Variants in POLA2 observed in about 807,000 individuals in gnomAD.
POLA2 encodes DNA polymerase alpha 2, accessory subunit, also known as DNA polymerase alpha subunit B.
A neutral mutation model predicts 82.8 loss-of-function variants in POLA2; 47 were observed. That is an observed-to-expected ratio of 0.57 (90% CI 0.45 to 0.72). The LOEUF is 0.72. Ranked by LOEUF, POLA2 falls within the 30% of genes least tolerant of loss-of-function variation. POLA2 has a pLI of 0.00. For synonymous variants in POLA2, 287 were observed against 286.8 expected (o/e 1.00, Z -0.01); for missense variants, 634 against 728.1 (o/e 0.87, Z 1.49).
Position 65,295,629 on chromosome 11 carries a change from G to A in POLA2, c.1520+30G>A, listed in dbSNP as rs769372305. Reference sequence around the variant, plus strand: ...GCTTGCCGCTGGGACCCCTGACTGTGGAGAGAGTGCCTTGGGGTCATGGAG... The same window carrying A: ...GCTTGCCGCTGGGACCCCTGACTGTAGAGAGAGTGCCTTGGGGTCATGGAG... On this transcript the variant is annotated intron_variant, in intron 16 of 17. Coordinates refer to ENST00000265465, the MANE Select transcript of POLA2 (RefSeq NM_002689.4). 3.2e-6 allele frequency: 5 copies of A among 1,585,044 alleles called. No individual in the cohort carries two copies. In the East Asian group the frequency reaches 8.9e-5, roughly 28 times the overall value.
At chr11:65,289,258 G>A (rs1387226438) in intron 12 of POLA2, among the ~76,000 whole-genome samples, 170 bp downstream of exon 12, 1 of 152,180 alleles carries the variant, frequency 6.6e-6, no homozygotes, top group African/African-American at 2.4e-5. Flanking sequence ...GAATCCAAGG[G>A]CCTCCTTTCA....
chr11:65,282,593 CA>C (rs1949652918), intron 10 of POLA2, 72 bp downstream of exon 10: 1 of 1,303,224 alleles, frequency 7.7e-7, no homozygotes, highest in South Asian at 1.2e-5. Context: ...TGCAGTTTCC[CA>C]AGCCCAAGAA....
At chr11:65,262,401 C>T (rs1424636486) in intron 1 of POLA2, 30 bp downstream of exon 1, 3 of 1,572,590 alleles carry the variant, frequency 1.9e-6, no homozygotes, top group Middle Eastern at 1.7e-4. Context: ...CGCCCTGCAG[C>T]CGTGCTCCAC....
chr11:65,281,636 C>G (rs1336591616), intron 8 of POLA2, 34 bp from the exon 9 acceptor site: 1 of 1,512,070 alleles, frequency 6.6e-7, no homozygotes, highest in Non-Finnish European at 9.2e-7. Context: ...TTGATCTCCA[C>G]TGCTTAGCAA....
rs372504014 is a variant in POLA2, at chr11:65,278,739, C to T, written c.471C>T (p.Pro157=). The T allele has an allele frequency of 5.3e-5, 86 of 1,613,042 alleles. No homozygotes were observed. Among genetic ancestry groups the T allele is most frequent in the Middle Eastern group, 5.2e-4 (3 of 5,744 alleles). The change falls in exon 6 of 18, where the codon CCC becomes CCT. Residue 157 remains proline (P), a synonymous_variant. Transcript: ENST00000265465. ...SPSSFSPSAT[P]SQKYNSRSNR... is the part of the protein sequence containing the mutation. ...TTTTGCTTCCAATTAGTGCTACTCC[C>T]TCCCAGAAATACAACTCACGAAGTA...
At chr11:65,305,640 C>T, downstream of POLA2, 1 of 328,218 alleles carries the variant, frequency 3.0e-6, no homozygotes, top group Non-Finnish European at 6.0e-6. Context: ...CACCATTGTA[C>T]ATTGTACTCC....
chr11:65,280,845 C>T lies in POLA2; in HGVS notation c.745-147C>T, dbSNP rs546612129. 456 of 695,438 alleles carry T rather than the reference C, an allele frequency of 6.6e-4. 2 individuals carry two copies. Among genetic ancestry groups the T allele is most frequent in the Non-Finnish European group, 7.8e-4 (322 of 414,112 alleles). 43.1% of individuals were successfully genotyped at this position (695,438 alleles called of 1,614,324 possible). ...TCCATCCTGAGAGTCAGTGATGACG[C>T]GGTAGTCACCTCAGGGTCAAAGCAA... On this transcript the variant is annotated intron_variant, in intron 7 of 17. Coordinates refer to ENST00000265465, the MANE Select transcript of POLA2 (RefSeq NM_002689.4).
At position 65,275,931 on chromosome 11, in the gene POLA2, C is replaced by G. The variant is rs1242492578; in HGVS notation, c.394C>G (p.Leu132Val). 2 of 1,608,608 alleles carry G rather than the reference C, an allele frequency of 1.2e-6. No homozygotes were observed. Among genetic ancestry groups the G allele is most frequent in the Non-Finnish European group, 1.7e-6 (2 of 1,177,684 alleles). The change falls in exon 5 of 18, where the codon CTA becomes GTA. Residue 132 changes from leucine (L) to valine (V), a missense_variant. Transcript: ENST00000265465. ...AGCTATCTCTACCCCAGAAACCCCC[C>G]TAACAAAAAGGAGTGTGTCAACTCG... ...KRAISTPETP[L>V]TKRSVSTRSP...
intron 1 of POLA2, among the ~76,000 whole-genome samples, chr11:65,265,221 C>CG (rs1288700099): frequency 6.8e-6 from 1 of 147,416 alleles, no homozygotes; most frequent in Non-Finnish European, 1.5e-5. Flanking sequence ...GAGTGCAACT[C>CG]TGTCTCCAAA....
chr11:65,269,878 A>C (rs926170765), intron 4 of POLA2, among the ~76,000 whole-genome samples: 1 of 152,194 alleles, frequency 6.6e-6, no homozygotes, highest in Non-Finnish European at 1.5e-5. Flanking sequence ...CTTGTTGCCC[A>C]GGCTGGAGTG....
At chr11:65,299,941 C>A (rs1284941450), downstream of POLA2, among the ~76,000 whole-genome samples, 1 of 152,134 alleles carries the variant, frequency 6.6e-6, no homozygotes, top group Non-Finnish European at 1.5e-5. Flanking sequence ...ATCCACCCGC[C>A]TCAGCATCCT....
intron 10 of POLA2, among the ~76,000 whole-genome samples, chr11:65,284,304 C>G (rs552078888): frequency 6.6e-6 from 1 of 152,116 alleles, no homozygotes; most frequent in East Asian, 1.9e-4. Flanking sequence ...GGGTCTGCAT[C>G]TCTACAAAAA....
intron 5 of POLA2, among the ~76,000 whole-genome samples, chr11:65,276,681 C>T (rs1021863450): frequency 3.9e-5 from 6 of 152,150 alleles, no homozygotes; most frequent in East Asian, 1.9e-4. Flanking sequence ...GATGAGGCTC[C>T]GGAGCAGTAG....
intron 10 of POLA2, among the ~76,000 whole-genome samples, chr11:65,286,050 T>A (rs1048344191): frequency 2.0e-5 from 3 of 152,202 alleles, no homozygotes; most frequent in Non-Finnish European, 4.4e-5. Context: ...AAGTTAAGGC[T>A]GTTGAGATGG....
At chr11:65,287,890 T>G in intron 11 of POLA2, 50 bp downstream of exon 11, 1 of 1,575,804 alleles carries the variant, frequency 6.3e-7, no homozygotes, top group Non-Finnish European at 8.6e-7. Flanking sequence ...GAAAATGGCT[T>G]TAATGAAGTT....
intron 16 of POLA2, 39 bp from the exon 17 acceptor site, chr11:65,295,825 C>T (rs769126089): frequency 4.3e-5 from 68 of 1,592,356 alleles, no homozygotes; most frequent in East Asian, 4.5e-5. Context: ...GGGGGCCCCC[C>T]GGTCAGCTAG....
intron 3 of POLA2, among the ~76,000 whole-genome samples, chr11:65,267,965 AT>A (rs1305824881): frequency 6.6e-6 from 1 of 150,768 alleles, no homozygotes; most frequent in Non-Finnish European, 1.5e-5. Flanking sequence ...ATAATTTTGT[AT>A]TTTTTTTGGT....
intron 9 of POLA2, among the ~76,000 whole-genome samples, 187 bp from the exon 10 acceptor site, chr11:65,282,292 T>C (rs1010975118): frequency 2.0e-5 from 3 of 152,086 alleles, no homozygotes; most frequent in African/African-American, 7.2e-5. Flanking sequence ...CTGAGCAGTA[T>C]AGAAAAATGG....
chr11:65,273,716 ACTC>A (rs1949546089), intron 4 of POLA2, among the ~76,000 whole-genome samples: 1 of 151,688 alleles, frequency 6.6e-6, no homozygotes. Flanking sequence ...CTGGTCTTGA[ACTC>A]CTGAGCTCAA....
Sources: gnomAD v4.1 joint callset for allele counts (sites outside exome capture counted in the v4.1 genomes callset) on GRCh38, gnomAD v4.1.1 for gene constraint, MANE v1.5 for transcripts, NCBI Gene and HGNC (gene_info 2026-07-23, HGNC 2026-07-21) for gene names.